Variants in MED16 observed in about 807,000 individuals in gnomAD.
MED16 encodes mediator of RNA polymerase II transcription subunit 16.
Under a neutral mutation model 84.4 loss-of-function variants are expected in MED16, and 81 were observed. That is an observed-to-expected ratio of 0.96 (90% CI 0.80 to 1.15). The LOEUF (loss-of-function observed/expected upper bound fraction) is 1.15, where lower values mean the gene tolerates loss of function less well. Among genes scored for constraint, MED16 ranks in the 50% most tolerant of loss-of-function variants. The pLI is 0.00. For synonymous variants in MED16, 897 were observed against 552.2 expected (o/e 1.62, Z -8.76); for missense variants, 1,585 against 1,245.9 (o/e 1.27, Z -4.10).
chr19:878,989 A>G (rs187217898), intron 8 of MED16, among the ~76,000 whole-genome samples: 499 of 49,578 alleles, frequency 0.01, no homozygotes, highest in Middle Eastern at 0.091. Context: ...TCCCCTGGCT[A>G]TCAATGCCCA....
chr19:881,891 G>A (rs1170702145), intron 6 of MED16, among the ~76,000 whole-genome samples, 177 bp from the exon 7 acceptor site: 2 of 152,082 alleles, frequency 1.3e-5, no homozygotes, highest in African/African-American at 4.8e-5. Flanking sequence ...TTCGTGCCTC[G>A]GCCACTCATT....
At chr19:884,807 A>G (rs2036492217) in intron 6 of MED16, 96 bp downstream of exon 6, 1 of 971,430 alleles carries the variant, frequency 1.0e-6, no homozygotes, top group South Asian at 1.4e-5. Flanking sequence ...GGGGTTCAGG[A>G]CCACCCTGGG....
At chr19:885,391 T>C (rs2036504444) in intron 5 of MED16, among the ~76,000 whole-genome samples, 1 of 151,798 alleles carries the variant, frequency 6.6e-6, no homozygotes, top group South Asian at 2.1e-4. Flanking sequence ...CTGGGCCGCC[T>C]CTCACAGAGA....
chr19:871,711 C>T (rs749514247), intron 12 of MED16: 7 of 1,205,692 alleles, frequency 5.8e-6, no homozygotes, highest in South Asian at 4.8e-5. Context: ...CCTGCAGGGG[C>T]TTATGTTCTG....
chr19:888,906 G>C (rs953004972), intron 4 of MED16, among the ~76,000 whole-genome samples: 1 of 152,182 alleles, frequency 6.6e-6, no homozygotes, highest in Non-Finnish European at 1.5e-5. Flanking sequence ...GACGCACAGA[G>C]GCACGAAGCT....
chr19:888,031 G>A (rs1269938615), intron 4 of MED16, among the ~76,000 whole-genome samples: 2 of 150,742 alleles, frequency 1.3e-5, no homozygotes, highest in African/African-American at 4.9e-5. Flanking sequence ...GGAGAAACCC[G>A]GTCCCTACTA....
intron 11 of MED16, among the ~76,000 whole-genome samples, 173 bp downstream of exon 11, chr19:873,276 T>TGGGACTCCAAGCAGGGGC (rs1568321514): frequency 1.6e-4 from 8 of 50,144 alleles, no homozygotes; most frequent in Admixed American, 8.1e-4. Flanking sequence ...GGGGCTGAGG[T>TGGGACTCCAAGCAGGGGC]GGGACTCCAA....
At chr19:887,986 T>A (rs1168220490) in intron 4 of MED16, among the ~76,000 whole-genome samples, 5 of 151,898 alleles carry the variant, frequency 3.3e-5, no homozygotes, top group Non-Finnish European at 7.4e-5. Flanking sequence ...GCAGATCACC[T>A]GAGGTTAGGA....
chr19:875,231 G>T lies in MED16; in HGVS notation c.1771+13C>A. 4 of 1,589,506 alleles carry T rather than the reference G, an allele frequency of 2.5e-6. No homozygotes were observed. Among genetic ancestry groups the T allele is most frequent in the East Asian group, 2.3e-5 (1 of 44,176 alleles). ...AAGAAACCTCGAGGCCCCGGGCGTGGAAAAGGACCCACCGACGTCGGTGAT... is the reference window on the plus strand; with the variant it reads ...AAGAAACCTCGAGGCCCCGGGCGTGTAAAAGGACCCACCGACGTCGGTGAT... On this transcript the variant is annotated intron_variant, in intron 10 of 15. Transcript: ENST00000325464.
rs754993607 is a variant in MED16 at position 871,614 on chromosome 19, G to A, written c.2098+312C>T. 2.9e-5 allele frequency: 46 copies of A among 1,595,658 alleles called. 1 individual carries two copies. The South Asian group carries it at 3.4e-4, about 12-fold the overall frequency. On this transcript the variant is annotated intron_variant, in intron 12 of 15. Coordinates refer to ENST00000325464, the MANE Select transcript of MED16 (RefSeq NM_005481.3). ...AGACAGCAAACAGGTGCCTGGAAGT[G>A]GCTGCCATCCCAAAAGCACCCACAC...
At chr19:879,791 G>GGCTGTCAATCCCCACCAGGGCCAGCCACA in intron 8 of MED16, 146 bp downstream of exon 8, 1 of 284,856 alleles carries the variant, frequency 3.5e-6, no homozygotes, top group Non-Finnish European at 5.7e-6. Flanking sequence ...CCAGCAGCTC[G>GGCTGTCAATCCCCACCAGGGCCAGCCACA]CCTTCCCCTG....
chr19:869,918 G>A (rs1299550542), intron 13 of MED16, among the ~76,000 whole-genome samples: 2 of 152,204 alleles, frequency 1.3e-5, no homozygotes, highest in Non-Finnish European at 2.9e-5. Flanking sequence ...TGAGTGGGGT[G>A]ACAAGGTCCC....
At chr19:876,210 G>A (rs978331035) in intron 9 of MED16, among the ~76,000 whole-genome samples, 1 of 152,148 alleles carries the variant, frequency 6.6e-6, no homozygotes, top group Non-Finnish European at 1.5e-5. Flanking sequence ...TCAGAGGGCT[G>A]GTCCCACGTG....
At chr19:879,354 G>C (rs2036355234) in intron 8 of MED16, among the ~76,000 whole-genome samples, 1 of 147,266 alleles carries the variant, frequency 6.8e-6, no homozygotes, top group Admixed American at 6.7e-5. Context: ...CCTTCCCCTG[G>C]TTGTCAATGC....
chr19:873,453 T>C lies in MED16; in HGVS notation c.1901A>G (p.Asn634Ser), dbSNP rs768597160. 11 of 1,607,380 alleles carry C rather than the reference T, an allele frequency of 6.8e-6. No homozygotes were observed. In the East Asian group the frequency reaches 2.0e-4, roughly 29 times the overall value. Reference sequence around the variant, plus strand: ...TTAGGGGAGAGCATGGCGCACCTGGTTGGGTAGGCTGGCCAGCAGGTACAG... The same window carrying C: ...TTAGGGGAGAGCATGGCGCACCTGGCTGGGTAGGCTGGCCAGCAGGTACAG... ...FVLYLLASLP[N>S]QGSLLRPGHS... Residue 634 changes from asparagine (N) to serine (S), a missense_variant, in exon 11 of 16, where the codon AAC becomes AGC. Physicochemically the swap from Asn to Ser is conservative, Grantham distance 46. Transcript: ENST00000325464.
Position 890,881 on chromosome 19 carries a change from T to G in MED16, c.169+82A>C, listed in dbSNP as rs73505593. The stretch of plus-strand genomic sequence containing the variant: ...AGGTGGCCTGAGAGACCGAGTCCCT[T>G]CAAGGCAGTGGGCCGGGCACCTGGG... On this transcript the variant is annotated intron_variant, in intron 2 of 15. Transcript: ENST00000325464. The G allele has an allele frequency of 5.5e-3, 8,177 of 1,475,282 alleles. 320 individuals are homozygous for G. The African/African-American group carries it at 0.093, about 17-fold the overall frequency. 91.4% of individuals were successfully genotyped at this position (1,475,282 alleles called of 1,614,324 possible). A position where few individuals can be genotyped will look rare whatever the true frequency, so the allele number is the denominator to read the frequency against.
intron 11 of MED16, chr19:873,024 AGGGCTCCG>A: frequency 5.7e-6 from 1 of 176,708 alleles, no homozygotes; most frequent in Non-Finnish European, 7.0e-6. Flanking sequence ...GAGGTGGGGC[AGGGCTCCG>A]AGGTGGGGCA....
At chr19:874,704 CCT>C (rs1018341497) in intron 10 of MED16, among the ~76,000 whole-genome samples, 4 of 152,118 alleles carry the variant, frequency 2.6e-5, no homozygotes, top group African/African-American at 9.7e-5. Context: ...ACAGTGAGAC[CCT>C]GTTGCTACAA....
chr19:870,495 A>AC (rs1195216482), intron 13 of MED16, among the ~76,000 whole-genome samples: 2 of 151,202 alleles, frequency 1.3e-5, no homozygotes, highest in African/African-American at 4.9e-5. Context: ...CGAGAGGCAG[A>AC]CGTTGCAGTG....
Sources: allele counts gnomAD v4.1 joint callset (sites outside exome capture counted in the v4.1 genomes callset), GRCh38; gene constraint gnomAD v4.1.1; transcripts MANE v1.5; gene names NCBI Gene and HGNC (gene_info 2026-07-23, HGNC 2026-07-21).